The following LRRC4B variants were observed in gnomAD, a reference collection of about 807,000 sequenced individuals.
The protein encoded by LRRC4B is leucine rich repeat containing 4B.
LRRC4B carries 1 observed loss-of-function variant against 7.3 expected under a neutral mutation model. The ratio of observed to expected loss-of-function variants is 0.14; its 90% CI spans 0.05 to 0.65. The LOEUF is 0.65. LRRC4B is among the 30% of genes least tolerant of loss of function. LRRC4B has a pLI of 0.84. For synonymous variants in LRRC4B, 500 were observed against 499.2 expected (o/e 1.00, Z -0.02); for missense variants, 730 against 1,041.6 (o/e 0.70, Z 4.12).
At chr19:50,535,017 T>C (rs562453650) in intron 2 of LRRC4B, among the ~76,000 whole-genome samples, 1,546 of 121,466 alleles carry the variant, frequency 0.013, 13 homozygotes, top group South Asian at 0.026. Flanking sequence ...TACAGGCGCC[T>C]GCCACCACAC....
rs67157266 is a variant in LRRC4B at position 50,565,526 on chromosome 19, C to CGTGTGTGTGT, written c.-36+2408_-36+2417dup. On this transcript the variant is annotated intron_variant, in intron 1 of 2. Transcript: ENST00000652263. ...CTGCCAGTGAATGACTGTGTGCTCTCGTGTGTGTGTGTGTGTGTGTGTGTG... is the reference window on the plus strand; with the variant it reads ...CTGCCAGTGAATGACTGTGTGCTCTCGTGTGTGTGTGTGTGTGTGTGTGTGTGTGTGTGTG... Among the ~76,000 whole-genome samples, 291 of 147,314 alleles carry CGTGTGTGTGT rather than the reference C, an allele frequency of 2.0e-3. 2 individuals are homozygous for CGTGTGTGTGT. The highest frequency in any genetic ancestry group is 6.4e-3 in the African/African-American group (254 of 39,568).
chr19:50,525,779 C>A (rs576113041), intron 2 of LRRC4B, among the ~76,000 whole-genome samples: 1 of 152,084 alleles, frequency 6.6e-6, no homozygotes, highest in Non-Finnish European at 1.5e-5. Context: ...TCCTGGCCCC[C>A]TGTCCTCCGA....
chr19:50,523,120 T>C (rs1436712692), intron 2 of LRRC4B, among the ~76,000 whole-genome samples: 1 of 152,190 alleles, frequency 6.6e-6, no homozygotes, highest in Non-Finnish European at 1.5e-5. Flanking sequence ...GGGGCAGTGC[T>C]GGGTCAGAGC....
intron 1 of LRRC4B, among the ~76,000 whole-genome samples, chr19:50,557,327 C>A (rs1982311305): frequency 6.6e-6 from 1 of 152,132 alleles, no homozygotes; most frequent in African/African-American, 2.4e-5. Context: ...GCCCCCCAGC[C>A]CCAATCTCCA....
intron 2 of LRRC4B, among the ~76,000 whole-genome samples, chr19:50,541,694 C>T (rs1056394430): frequency 3.9e-5 from 6 of 152,194 alleles, no homozygotes; most frequent in African/African-American, 7.2e-5. Context: ...GACCCAGAGC[C>T]GCCCGCTAAA....
In LRRC4B at chr19:50,517,297, C is replaced by T; in HGVS notation, c.*274G>A. Reference sequence around the variant, plus strand: ...GAGAGCGAGGAGGAAACGCGGAGAACTCAGGCCACTTCTCCTGGGTCCCAC... The same window carrying T: ...GAGAGCGAGGAGGAAACGCGGAGAATTCAGGCCACTTCTCCTGGGTCCCAC... On this transcript the variant is annotated 3_prime_UTR_variant, in exon 3 of 3. Transcript: ENST00000652263. This position sits in a 1 kb window ranked among gnomAD's most constrained non-coding sequence, Gnocchi z 6.6. 3.1e-6 allele frequency: 1 copy of T among 326,624 alleles called. No individual in the cohort carries two copies. Among genetic ancestry groups the T allele is most frequent in the Non-Finnish European group, 5.6e-6 (1 of 179,338 alleles). 20.2% of individuals were successfully genotyped at this position (326,624 alleles called of 1,614,324 possible). A position where few individuals can be genotyped will look rare whatever the true frequency, so the allele number is the denominator to read the frequency against.
At chr19:50,567,668 C>T (rs1982676846) in intron 1 of LRRC4B, among the ~76,000 whole-genome samples, 2 of 150,218 alleles carry the variant, frequency 1.3e-5, no homozygotes, top group Admixed American at 1.3e-4. Context: ...ACGCAGCGAC[C>T]GCCGGACGCA....
intron 2 of LRRC4B, among the ~76,000 whole-genome samples, chr19:50,522,459 A>ATTTATTATTTAT (rs1491583815): frequency 4.5e-4 from 66 of 147,180 alleles, no homozygotes; most frequent in African/African-American, 1.5e-3. Flanking sequence ...TATTTTATTT[A>ATTTATTATTTAT]TTATTTATTT....
intron 2 of LRRC4B, among the ~76,000 whole-genome samples, chr19:50,535,022 CCA>C (rs1981207634): frequency 6.6e-6 from 1 of 151,936 alleles, no homozygotes; most frequent in African/African-American, 2.4e-5. Flanking sequence ...GCGCCTGCCA[CCA>C]CACCCAGCTA....
intron 2 of LRRC4B, among the ~76,000 whole-genome samples, chr19:50,543,820 T>C (rs1473088867): frequency 8.0e-6 from 1 of 125,754 alleles, no homozygotes. Context: ...ACCACTGCAC[T>C]CCAGCCTGGG....
intron 2 of LRRC4B, among the ~76,000 whole-genome samples, chr19:50,547,184 G>A (rs997284671): frequency 6.6e-6 from 1 of 152,186 alleles, no homozygotes; most frequent in African/African-American, 2.4e-5. Flanking sequence ...CAAACTGGCA[G>A]ACATGGGAGC....
chr19:50,528,941 A>T (rs1980935676), intron 2 of LRRC4B, among the ~76,000 whole-genome samples: 2 of 152,142 alleles, frequency 1.3e-5, no homozygotes, highest in South Asian at 4.2e-4. Context: ...CGGAGATGCG[A>T]CTGTGCCTGG....
chr19:50,552,988 A>G (rs1295443990), intron 1 of LRRC4B, among the ~76,000 whole-genome samples: 1 of 152,070 alleles, frequency 6.6e-6, no homozygotes, highest in Non-Finnish European at 1.5e-5. Context: ...TTATTCTCCC[A>G]AGCTGCAGTT....
chr19:50,533,496 T>A (rs1981140291), intron 2 of LRRC4B, among the ~76,000 whole-genome samples: 1 of 152,110 alleles, frequency 6.6e-6, no homozygotes, highest in Admixed American at 6.6e-5. Flanking sequence ...CATTCTTCTC[T>A]TCTCCTCCCA....
At chr19:50,567,391 C>T (rs1407271372) in intron 1 of LRRC4B, among the ~76,000 whole-genome samples, 1 of 151,750 alleles carries the variant, frequency 6.6e-6, no homozygotes, top group East Asian at 1.9e-4. Context: ...CCGTCTTTCC[C>T]ATTTTCACTT....
chr19:50,558,884 C>A (rs931244167), intron 1 of LRRC4B, among the ~76,000 whole-genome samples: 2 of 152,210 alleles, frequency 1.3e-5, no homozygotes, highest in Admixed American at 1.3e-4. Context: ...GAGATCACAG[C>A]TGGAGAAATG....
At chr19:50,547,054 G>C (rs1029678803) in intron 2 of LRRC4B, among the ~76,000 whole-genome samples, 8 of 152,256 alleles carry the variant, frequency 5.3e-5, no homozygotes, top group African/African-American at 1.2e-4. Flanking sequence ...GAAGGATGGA[G>C]TGCAGGGAAG....
intron 1 of LRRC4B, among the ~76,000 whole-genome samples, chr19:50,551,572 G>T (rs1431837454): frequency 8.9e-6 from 1 of 112,078 alleles, no homozygotes; most frequent in African/African-American, 3.6e-5. Flanking sequence ...TCCGCCTCTG[G>T]TCCCCGTCCA....
In LRRC4B at chr19:50,561,352, G is replaced by A. The variant is rs180937548; in HGVS notation, c.-36+6592C>T. Among the ~76,000 whole-genome samples the A allele has an allele frequency of 4.8e-3, 726 of 152,222 alleles. 1 individual carries two copies. The highest frequency in any genetic ancestry group is 6.4e-3 in the Non-Finnish European group (436 of 68,014). On this transcript the variant is annotated intron_variant, in intron 1 of 2. Coordinates refer to ENST00000652263, the MANE Select transcript of LRRC4B (RefSeq NM_001080457.2). ...ATTCTCTACTGTGAGAATCAGCATG[G>A]GGAGTCCTTTCCCTTCTGGTGCTTG...
Sources: allele counts gnomAD v4.1 joint callset (sites outside exome capture counted in the v4.1 genomes callset), GRCh38; gene constraint gnomAD v4.1.1; non-coding constraint Gnocchi (gnomAD v3.1); transcripts MANE v1.5; gene names NCBI Gene and HGNC (gene_info 2026-07-23, HGNC 2026-07-21).